Variants in GALNT13 observed in about 807,000 individuals in gnomAD.
GALNT13 encodes the protein UDP-GalNAc:polypeptide N-acetylgalactosaminyltransferase 13.
A neutral mutation model predicts 64.2 loss-of-function variants in GALNT13; 28 were observed. The observed-to-expected ratio is 0.44, with a 90% confidence interval of 0.32 to 0.60. The LOEUF (loss-of-function observed/expected upper bound fraction) is 0.60. GALNT13 is among the 20% of genes least tolerant of loss of function. The pLI is 0.05. For synonymous variants in GALNT13, 214 were observed against 224.6 expected (o/e 0.95, Z 0.42); for missense variants, 577 against 669.8 (o/e 0.86, Z 1.53).
chr2:153,465,668 T>G, the GALNT13 span, among the ~76,000 whole-genome samples: 1 of 151,828 alleles, frequency 6.6e-6, no homozygotes, highest in African/African-American at 2.4e-5. Flanking sequence ...AGGACTAGTC[T>G]TTGAATTTAT....
intron 1 of GALNT13, among the ~76,000 whole-genome samples, chr2:153,881,264 AACCAAT>A (rs1686764822): frequency 6.6e-6 from 1 of 152,150 alleles, no homozygotes; most frequent in African/African-American, 2.4e-5. Context: ...AAAATAAAAC[AACCAAT>A]ATATGGTTCA....
intron 4 of GALNT13, among the ~76,000 whole-genome samples, chr2:154,229,827 A>G (rs1235740925): frequency 1.3e-5 from 2 of 152,164 alleles, no homozygotes; most frequent in Non-Finnish European, 2.9e-5. Context: ...TGAAAGGAAA[A>G]GATAACATGA....
At chr2:153,972,890 G>A (rs1180753758) in intron 3 of GALNT13, among the ~76,000 whole-genome samples, 4 of 151,972 alleles carry the variant, frequency 2.6e-5, no homozygotes, top group Non-Finnish European at 4.4e-5. Flanking sequence ...TTTAGAGTTA[G>A]TAATCCTGTG....
At chr2:153,782,199 T>A in the GALNT13 span, among the ~76,000 whole-genome samples, 3 of 152,218 alleles carry the variant, frequency 2.0e-5, no homozygotes, top group Non-Finnish European at 4.4e-5. Flanking sequence ...AATGCCTTCA[T>A]GCATTGATTT....
At chr2:153,854,450 G>A in the GALNT13 span, among the ~76,000 whole-genome samples, 1 of 151,778 alleles carries the variant, frequency 6.6e-6, no homozygotes, top group Admixed American at 6.6e-5. Context: ...GCGTGGGGGT[G>A]CACACCTGTA....
At chr2:153,164,211 A>T in the GALNT13 span, among the ~76,000 whole-genome samples, 1 of 152,130 alleles carries the variant, frequency 6.6e-6, no homozygotes, top group Non-Finnish European at 1.5e-5. Context: ...TAAAAAGTAA[A>T]ATACATTTCT....
At chr2:153,592,103 T>G in the GALNT13 span, among the ~76,000 whole-genome samples, 4 of 151,958 alleles carry the variant, frequency 2.6e-5, no homozygotes, top group Admixed American at 6.6e-5. Flanking sequence ...GATTACTAAT[T>G]ACTAGAGTAA....
chr2:153,477,159 C>T, the GALNT13 span, among the ~76,000 whole-genome samples: 2 of 152,102 alleles, frequency 1.3e-5, no homozygotes, highest in Admixed American at 6.5e-5. Context: ...TGAGGCTGGG[C>T]TCCTTCTCAG....
chr2:153,499,603 T>C, the GALNT13 span, among the ~76,000 whole-genome samples: 1 of 152,148 alleles, frequency 6.6e-6, no homozygotes, highest in Admixed American at 6.5e-5. Flanking sequence ...CGCAGACCTG[T>C]GCCAAGCCAC....
chr2:153,080,543 G>T, the GALNT13 span, among the ~76,000 whole-genome samples: 187 of 152,054 alleles, frequency 1.2e-3, 1 homozygote, highest in Middle Eastern at 3.4e-3. Flanking sequence ...CATTTCTTGT[G>T]ACCTAAGATA....
the GALNT13 span, among the ~76,000 whole-genome samples, chr2:153,498,343 C>G: frequency 2.6e-5 from 4 of 152,244 alleles, no homozygotes; most frequent in Admixed American, 2.0e-4. Flanking sequence ...TATCTTGTGC[C>G]CACTGGGCTT....
chr2:154,098,130 T>C (rs1702165843), intron 3 of GALNT13, among the ~76,000 whole-genome samples: 1 of 149,204 alleles, frequency 6.7e-6, no homozygotes. Context: ...AATTTGAATC[T>C]TAATGTATCT....
chr2:154,102,301 C>T (rs1702389971), intron 3 of GALNT13, among the ~76,000 whole-genome samples: 1 of 152,260 alleles, frequency 6.6e-6, no homozygotes, highest in African/African-American at 2.4e-5. Flanking sequence ...GGTCAACCAA[C>T]TCAATCCATT....
chr2:153,267,379 T>G, the GALNT13 span, among the ~76,000 whole-genome samples: 126,448 of 152,144 alleles, frequency 0.83, 53,805 homozygotes, highest in African/African-American at 0.93. Context: ...GCAGACTTCT[T>G]CCTGGACATA....
chr2:154,004,362 C>A (rs539652567), intron 3 of GALNT13, among the ~76,000 whole-genome samples: 4 of 152,016 alleles, frequency 2.6e-5, no homozygotes, highest in Non-Finnish European at 5.9e-5. Context: ...TGCATCGCCA[C>A]GCCCAGCTAA....
chr2:154,137,618 C>A (rs1433396525), intron 3 of GALNT13, among the ~76,000 whole-genome samples: 1 of 152,114 alleles, frequency 6.6e-6, no homozygotes, highest in East Asian at 1.9e-4. Context: ...ACTGTCATGC[C>A]TTTGAATATA....
chr2:153,869,692 T>G (rs1330246872), upstream of GALNT13, among the ~76,000 whole-genome samples: 1 of 152,204 alleles, frequency 6.6e-6, no homozygotes, highest in African/African-American at 2.4e-5. Flanking sequence ...CCACTACATG[T>G]AATTTATTAT....
At chr2:153,490,934 T>C in the GALNT13 span, among the ~76,000 whole-genome samples, 1 of 145,824 alleles carries the variant, frequency 6.9e-6, no homozygotes, top group Non-Finnish European at 1.5e-5. Context: ...CACTCCAGCC[T>C]GGGTGACAAA....
chr2:154,077,903 A>G (rs1420550737), intron 3 of GALNT13, among the ~76,000 whole-genome samples: 1 of 151,512 alleles, frequency 6.6e-6, no homozygotes, highest in African/African-American at 2.4e-5. Context: ...TAATTATTCA[A>G]TCTTGAATGA....
Sources: allele counts gnomAD v4.1 joint callset (sites outside exome capture counted in the v4.1 genomes callset), GRCh38; gene constraint gnomAD v4.1.1; transcripts MANE v1.5; gene names NCBI Gene and HGNC (gene_info 2026-07-23, HGNC 2026-07-21).